The following CNTNAP5 variants were observed in gnomAD, a reference collection of about 807,000 sequenced individuals.
CNTNAP5 encodes the protein contactin-associated protein-like 5.
Under a neutral mutation model 150.2 loss-of-function variants are expected in CNTNAP5, and 72 were observed. The ratio of observed to expected loss-of-function variants is 0.48; its 90% CI spans 0.40 to 0.58. The LOEUF (loss-of-function observed/expected upper bound fraction) is 0.58. Ranked by LOEUF, CNTNAP5 falls within the 20% of genes least tolerant of loss-of-function variation. CNTNAP5 has a pLI of 0.00. For synonymous variants in CNTNAP5, 672 were observed against 619.8 expected, an observed-to-expected ratio of 1.08 and a Z score of -1.25; for missense variants, 1,636 against 1,626.2, an observed-to-expected ratio of 1.01 and a Z score of -0.10.
At chr2:124,142,864 A>G (rs1301907492) in intron 1 of CNTNAP5, among the ~76,000 whole-genome samples, 1 of 151,088 alleles carries the variant, frequency 6.6e-6, no homozygotes, top group Non-Finnish European at 1.5e-5. Context: ...TGGTTTTTTG[A>G]AAGGATCAAC....
chr2:124,616,321 TTA>T (rs764603236), intron 12 of CNTNAP5, among the ~76,000 whole-genome samples: 8 of 152,204 alleles, frequency 5.3e-5, no homozygotes, highest in Non-Finnish European at 1.2e-4. Flanking sequence ...CCTTAAACTT[TTA>T]TGTTACGAAG....
intron 22 of CNTNAP5, among the ~76,000 whole-genome samples, chr2:124,909,517 G>A (rs1036030331): frequency 2.6e-5 from 4 of 152,008 alleles, no homozygotes; most frequent in Admixed American, 6.6e-5. Context: ...AAAGAAGCAG[G>A]AGGCATTTTA....
intron 3 of CNTNAP5, among the ~76,000 whole-genome samples, chr2:124,392,687 C>CAAAAAA (rs35107442): frequency 7.3e-5 from 5 of 68,742 alleles, no homozygotes; most frequent in Non-Finnish European, 8.0e-5. Flanking sequence ...TTTTCTTTGC[C>CAAAAAA]AAAAAAAAAA....
At chr2:124,786,425 AGG>A (rs1558775156) in intron 17 of CNTNAP5, among the ~76,000 whole-genome samples, 16 of 120,088 alleles carry the variant, frequency 1.3e-4, no homozygotes, top group African/African-American at 4.4e-4. Flanking sequence ...GAAGGAAGGA[AGG>A]AAGGAAGGAA....
chr2:124,355,140 T>G (rs983514411), intron 3 of CNTNAP5, among the ~76,000 whole-genome samples: 4 of 151,798 alleles, frequency 2.6e-5, no homozygotes, highest in Non-Finnish European at 4.4e-5. Flanking sequence ...TGAATGATAC[T>G]TTCAAAAATT....
chr2:124,892,572 C>G (rs1348253878), intron 21 of CNTNAP5, among the ~76,000 whole-genome samples: 2 of 152,120 alleles, frequency 1.3e-5, no homozygotes, highest in Non-Finnish European at 2.9e-5. Flanking sequence ...AGGGACCGTT[C>G]TCTTTAAACT....
intron 19 of CNTNAP5, among the ~76,000 whole-genome samples, chr2:124,826,229 TC>T (rs963640967): frequency 6.6e-6 from 1 of 152,204 alleles, no homozygotes; most frequent in Admixed American, 6.6e-5. Flanking sequence ...TTGAAACCTT[TC>T]CAAAGTATTT....
At chr2:124,881,623 G>T (rs1182395583) in intron 21 of CNTNAP5, among the ~76,000 whole-genome samples, 1 of 152,068 alleles carries the variant, frequency 6.6e-6, no homozygotes, top group East Asian at 1.9e-4. Context: ...GGATTGGATT[G>T]CTGTGAGGAG....
intron 1 of CNTNAP5, among the ~76,000 whole-genome samples, chr2:124,187,494 A>C (rs1283022690): frequency 3.9e-5 from 6 of 152,208 alleles, no homozygotes; most frequent in African/African-American, 1.4e-4. Context: ...TACATGTTGC[A>C]ATGGGGACAA....
At chr2:124,103,325 T>C (rs147287412) in intron 1 of CNTNAP5, among the ~76,000 whole-genome samples, 2 of 152,198 alleles carry the variant, frequency 1.3e-5, no homozygotes, top group East Asian at 1.9e-4. Flanking sequence ...TAATTTATGA[T>C]TGAAGAATAA....
intron 3 of CNTNAP5, among the ~76,000 whole-genome samples, chr2:124,395,780 C>A (rs978685006): frequency 1.3e-5 from 2 of 152,124 alleles, no homozygotes; most frequent in African/African-American, 4.8e-5. Flanking sequence ...TATATGTCTA[C>A]ACACACACGT....
intron 19 of CNTNAP5, among the ~76,000 whole-genome samples, chr2:124,817,013 G>T (rs1008895365): frequency 1.3e-5 from 2 of 151,980 alleles, no homozygotes; most frequent in Admixed American, 1.3e-4. Context: ...GCCACCCTAG[G>T]GTGTTTCTCC....
chr2:124,833,766 G>A (rs1682768080), intron 19 of CNTNAP5, among the ~76,000 whole-genome samples: 1 of 84,066 alleles, frequency 1.2e-5, no homozygotes, highest in African/African-American at 4.7e-5. Flanking sequence ...AGATTACAGA[G>A]GCACAATCAT....
chr2:124,496,101 G>A (rs905086263), intron 7 of CNTNAP5, among the ~76,000 whole-genome samples: 12 of 151,980 alleles, frequency 7.9e-5, no homozygotes, highest in African/African-American at 2.9e-4. Context: ...AATCAAGGTG[G>A]CCCATATGAA....
At chr2:124,842,055 A>G (rs944945547) in intron 19 of CNTNAP5, among the ~76,000 whole-genome samples, 1 of 152,182 alleles carries the variant, frequency 6.6e-6, no homozygotes, top group African/African-American at 2.4e-5. Flanking sequence ...TTTAAAAGCA[A>G]TTGGATCATA....
chr2:124,107,085 G>A (rs907045388), intron 1 of CNTNAP5, among the ~76,000 whole-genome samples: 2 of 151,946 alleles, frequency 1.3e-5, no homozygotes, highest in South Asian at 2.1e-4. Flanking sequence ...ATCCAACCAC[G>A]TAGGCAGGAC....
At chr2:124,530,694 A>T (rs1295904429) in intron 10 of CNTNAP5, among the ~76,000 whole-genome samples, 1 of 152,162 alleles carries the variant, frequency 6.6e-6, no homozygotes, top group Non-Finnish European at 1.5e-5. Context: ...GTCCATGGGC[A>T]GGATGGGAGA....
At chr2:124,414,702 G>T (rs377712544) in intron 3 of CNTNAP5, among the ~76,000 whole-genome samples, 3 of 150,442 alleles carry the variant, frequency 2.0e-5, no homozygotes, top group Admixed American at 6.6e-5. Context: ...ATTGTTTTAA[G>T]ATGTGTGTAT....
intron 13 of CNTNAP5, among the ~76,000 whole-genome samples, chr2:124,666,709 C>T (rs1678709429): frequency 6.6e-6 from 1 of 152,164 alleles, no homozygotes; most frequent in Non-Finnish European, 1.5e-5. Flanking sequence ...TATTTTTCCT[C>T]ATCCCCTAAA....
Sources: gnomAD v4.1 joint callset for allele counts (sites outside exome capture counted in the v4.1 genomes callset) on GRCh38, gnomAD v4.1.1 for gene constraint, MANE v1.5 for transcripts, NCBI Gene and HGNC (gene_info 2026-07-23, HGNC 2026-07-21) for gene names.